EFCAB14: variants seen among roughly 807,000 people sequenced by gnomAD.
EFCAB14 encodes the protein EF-hand calcium-binding domain-containing protein 14.
In EFCAB14, 43 loss-of-function variants were observed where a neutral mutation model predicts 56.5. That is an observed-to-expected ratio of 0.76 (90% CI 0.60 to 0.98). EFCAB14 has a LOEUF of 0.98. Ranked by LOEUF, EFCAB14 falls within the 50% of genes least tolerant of loss-of-function variation. EFCAB14 has a pLI of 0.00. For synonymous variants in EFCAB14, 235 were observed against 212.9 expected (o/e 1.10, Z -0.90); for missense variants, 538 against 580.3 (o/e 0.93, Z 0.75).
At chr1:46,696,448 C>T in intron 4 of EFCAB14, 103 bp downstream of exon 4, 1 of 1,097,160 alleles carries the variant, frequency 9.1e-7, no homozygotes, top group Non-Finnish European at 1.3e-6. Flanking sequence ...ATTTCAAATG[C>T]TAGGCTTTCA....
chr1:46,684,878 T>C (rs902653831), intron 8 of EFCAB14, among the ~76,000 whole-genome samples: 4 of 152,196 alleles, frequency 2.6e-5, no homozygotes, highest in Non-Finnish European at 5.9e-5. Flanking sequence ...AATGCATGTG[T>C]CAGCAGTAAA....
At chr1:46,707,883 A>C (rs766203344) in intron 3 of EFCAB14, 23 bp downstream of exon 3, 2 of 1,603,566 alleles carry the variant, frequency 1.2e-6, no homozygotes, top group Non-Finnish European at 1.7e-6. Context: ...TAGCTTACAC[A>C]GCAAAAATCA....
chr1:46,717,651 GCA>G (rs1677418353), intron 1 of EFCAB14, among the ~76,000 whole-genome samples: 1 of 152,074 alleles, frequency 6.6e-6, no homozygotes, highest in Non-Finnish European at 1.5e-5. Flanking sequence ...TGGGCTCTTG[GCA>G]CATTCTCCAA....
At chr1:46,714,629 C>T (rs1677359477) in intron 2 of EFCAB14, among the ~76,000 whole-genome samples, 1 of 151,682 alleles carries the variant, frequency 6.6e-6, no homozygotes, top group South Asian at 2.1e-4. Flanking sequence ...CTGTCTTTTA[C>T]AAACATACAA....
chr1:46,718,142 G>A lies in EFCAB14; in HGVS notation c.-55C>T, dbSNP rs1394134186. 14 of 1,570,586 alleles carry A rather than the reference G, an allele frequency of 8.9e-6. No individual in the cohort carries two copies. In the East Asian group the frequency reaches 1.1e-4, roughly 13 times the overall value. Reference sequence around the variant, plus strand: ...CTCCTGAGCTGCCAGGTTCGTACCCGATGCCCAATTCTCTTCCTGCCTTGG... The same window carrying A: ...CTCCTGAGCTGCCAGGTTCGTACCCAATGCCCAATTCTCTTCCTGCCTTGG... On this transcript the variant is annotated 5_prime_UTR_variant, in exon 1 of 11. Coordinates refer to ENST00000371933, the MANE Select transcript of EFCAB14 (RefSeq NM_014774.3).
At chr1:46,713,019 A>ACAAC (rs898577940) in intron 2 of EFCAB14, among the ~76,000 whole-genome samples, 3 of 151,930 alleles carry the variant, frequency 2.0e-5, no homozygotes, top group African/African-American at 4.8e-5. Flanking sequence ...CATCTCAAAA[A>ACAAC]CAACCAACCA....
In EFCAB14 at chr1:46,718,099, G is replaced by T; in HGVS notation, c.-12C>A. ...TTGCGCTTTTTCATCTTTTTGTGTG[G>T]GGTGAGTGGAGCCCCGACTCCTGAG... On this transcript the variant is annotated 5_prime_UTR_variant, in exon 1 of 11. Transcript: ENST00000371933. 1 of 1,612,538 alleles carries T rather than the reference G, an allele frequency of 6.2e-7. No individual in the cohort carries two copies. The highest frequency in any genetic ancestry group is 1.1e-5 in the South Asian group (1 of 91,016).
intron 3 of EFCAB14, among the ~76,000 whole-genome samples, chr1:46,700,263 T>C (rs554334114): frequency 3.9e-4 from 59 of 152,372 alleles, no homozygotes; most frequent in Admixed American, 7.2e-4. Flanking sequence ...GCTCTTAGCA[T>C]AGTACCTGGT....
rs921109917 is a variant in EFCAB14, at chr1:46,711,875, T to A, written c.335-3824A>T. Among the ~76,000 whole-genome samples the A allele has an allele frequency of 7.2e-5, 11 of 152,240 alleles. No individual in the cohort carries two copies. In the East Asian group the frequency reaches 2.1e-3, roughly 29 times the overall value. On this transcript the variant is annotated intron_variant, in intron 2 of 10. Coordinates refer to ENST00000371933, the MANE Select transcript of EFCAB14 (RefSeq NM_014774.3). ...AACTTGTTATTAAGCCCCCACCATG[T>A]GTCCATCCCTGCACCGGCACTAGTA...
chr1:46,708,656 G>A (rs10749863), intron 2 of EFCAB14, among the ~76,000 whole-genome samples: 122,530 of 152,250 alleles, frequency 0.8, 49,469 homozygotes, highest in East Asian at 0.91. Context: ...TGTTACGAGG[G>A]CTAAGATTTT....
rs1356207538 is a variant in EFCAB14 at position 46,675,660 on chromosome 1, G to A, written c.*2801C>T. On this transcript the variant is annotated 3_prime_UTR_variant, in exon 11 of 11. Transcript: ENST00000371933. ...CAGAAGGGACAATGGCCAGCAGTAG[G>A]TGAAGGGAACCCATTCTTCAGCTCT... The A allele has an allele frequency of 6.6e-6, 1 of 152,228 alleles. No individual in the cohort carries two copies. The highest frequency in any genetic ancestry group is 6.5e-5 in the Admixed American group (1 of 15,282). 9.4% of individuals were successfully genotyped at this position (152,228 alleles called of 1,614,324 possible).
intron 3 of EFCAB14, among the ~76,000 whole-genome samples, chr1:46,702,802 C>A (rs936596020): frequency 6.6e-6 from 1 of 152,038 alleles, no homozygotes; most frequent in Non-Finnish European, 1.5e-5. Flanking sequence ...GGTATTTGGA[C>A]TGAGTGCTAA....
At chr1:46,714,564 G>A (rs776384872) in intron 2 of EFCAB14, among the ~76,000 whole-genome samples, 4 of 152,132 alleles carry the variant, frequency 2.6e-5, no homozygotes, top group Non-Finnish European at 5.9e-5. Flanking sequence ...GGCTGAGGCA[G>A]GCAGATCACT....
chr1:46,679,385 C>T (rs1413682986), intron 10 of EFCAB14, among the ~76,000 whole-genome samples: 1 of 152,202 alleles, frequency 6.6e-6, no homozygotes, highest in Non-Finnish European at 1.5e-5. Flanking sequence ...ACTGCAACCT[C>T]TGCCTCCTGG....
At position 46,696,435 on chromosome 1, in the gene EFCAB14, C is replaced by T. The variant is rs915020673; in HGVS notation, c.579+116G>A. Reference sequence around the variant, plus strand: ...CTCCATTACTGCCCTCTTGGAGCAGCTGATTTCAAATGCTAGGCTTTCAAT... The same window carrying T: ...CTCCATTACTGCCCTCTTGGAGCAGTTGATTTCAAATGCTAGGCTTTCAAT... On this transcript the variant is annotated intron_variant, in intron 4 of 10. Coordinates refer to ENST00000371933, the MANE Select transcript of EFCAB14 (RefSeq NM_014774.3). 3.1e-6 allele frequency: 3 copies of T among 970,530 alleles called. No individual in the cohort carries two copies. In the South Asian group the frequency reaches 4.6e-5, roughly 15 times the overall value. 60.1% of individuals were successfully genotyped at this position (970,530 alleles called of 1,614,324 possible).
rs1447706367 is a variant in EFCAB14 at position 46,683,428 on chromosome 1, G to A, written c.1187-3C>T. On this transcript the variant is annotated splice_region_variant and splice_polypyrimidine_tract_variant and intron_variant, in intron 9 of 10. Coordinates refer to ENST00000371933, the MANE Select transcript of EFCAB14 (RefSeq NM_014774.3). ...TGATGTGAAACTCTCTACTTGCTCT[G>A]TAACAAATACATAAGGTTTTATTTA... The A allele has an allele frequency of 6.2e-7, 1 of 1,612,496 alleles. No individual in the cohort carries two copies. Among genetic ancestry groups the A allele is most frequent in the Non-Finnish European group, 8.5e-7 (1 of 1,179,482 alleles).
chr1:46,714,801 C>CAA lies in EFCAB14; in HGVS notation c.334+1492_334+1493dup, dbSNP rs529413592. 2.7e-3 allele frequency among the ~76,000 whole-genome samples: 231 copies of CAA among 86,718 alleles called. 1 individual carries two copies. Among genetic ancestry groups the CAA allele is most frequent in the African/African-American group, 2.5e-3 (59 of 23,458 alleles). The allele number at this position is 86,718 out of a possible 152,430, so 56.9% of individuals were successfully genotyped here. A position where few individuals can be genotyped will look rare whatever the true frequency, so the allele number is the denominator to read the frequency against. The stretch of plus-strand genomic sequence containing the variant: ...TGACAGAGCAAGCAAGACCTTATCT[C>CAA]AAAAAAAAAAAAAAACAAGAAAGAA... On this transcript the variant is annotated intron_variant, in intron 2 of 10. Transcript: ENST00000371933.
In EFCAB14 at chr1:46,689,624, TC is replaced by T. The variant is rs1334866871; in HGVS notation, c.757del (p.Glu253AsnfsTer11). 1 of 1,613,800 alleles carries T rather than the reference TC, an allele frequency of 6.2e-7. No individual in the cohort carries two copies. The highest frequency in any genetic ancestry group is 8.5e-7 in the Non-Finnish European group (1 of 1,179,824). ...QIIPSPSATS[E>X]LDNKTHSENL... is the part of the protein sequence containing the mutation. The stretch of plus-strand genomic sequence containing the variant: ...CTCACTGTGGGTTTTATTGTCAAGT[TC>T]TGATGTGGCTGAAGGTGACGGAATG... On this transcript the variant is annotated frameshift_variant, in exon 6 of 11. Transcript: ENST00000371933. LOFTEE classifies it high-confidence loss of function.
At chr1:46,695,067 G>A (rs778203788) in intron 4 of EFCAB14, among the ~76,000 whole-genome samples, 36 of 138,932 alleles carry the variant, frequency 2.6e-4, no homozygotes, top group Non-Finnish European at 4.0e-4. Context: ...ATCACACACC[G>A]GGGCCTGTTT....
Sources: gnomAD v4.1 joint callset for allele counts (sites outside exome capture counted in the v4.1 genomes callset) on GRCh38, gnomAD v4.1.1 for gene constraint, MANE v1.5 for transcripts, NCBI Gene and HGNC (gene_info 2026-07-23, HGNC 2026-07-21) for gene names.